The following TMPRSS6 variants were observed in gnomAD, a reference collection of about 807,000 sequenced individuals.
The protein encoded by TMPRSS6 is transmembrane serine protease 6.
A neutral mutation model predicts 101.5 loss-of-function variants in TMPRSS6; 67 were observed. The ratio of observed to expected loss-of-function variants is 0.66; its 90% CI spans 0.54 to 0.81. The LOEUF (loss-of-function observed/expected upper bound fraction) is 0.81, where lower values mean the gene tolerates loss of function less well. TMPRSS6 is among the 30% of genes least tolerant of loss of function. The pLI is 0.00. For synonymous variants in TMPRSS6, 453 were observed against 464.9 expected (o/e 0.97, Z 0.33); for missense variants, 1,034 against 1,088.7 (o/e 0.95, Z 0.71).
At chr22:37,092,883 G>A (rs1194247675) in intron 6 of TMPRSS6, among the ~76,000 whole-genome samples, 2 of 152,256 alleles carry the variant, frequency 1.3e-5, no homozygotes, top group Non-Finnish European at 2.9e-5. Context: ...CTGGGACTCT[G>A]TGTGAGGCTC....
intron 14 of TMPRSS6, 69 bp downstream of exon 14, chr22:37,070,847 T>A (rs549119936): frequency 6.6e-7 from 1 of 1,506,916 alleles, no homozygotes; most frequent in East Asian, 2.3e-5. Context: ...GAGATTTCCC[T>A]CCAGCTTCCT....
intron 8 of TMPRSS6, among the ~76,000 whole-genome samples, chr22:37,085,096 T>G (rs1454666914): frequency 6.6e-6 from 1 of 152,104 alleles, no homozygotes; most frequent in African/African-American, 2.4e-5. Flanking sequence ...GCTCGATCCG[T>G]GTTAGTTATT....
chr22:37,085,250 C>T (rs779819479), intron 8 of TMPRSS6, among the ~76,000 whole-genome samples: 18 of 152,180 alleles, frequency 1.2e-4, no homozygotes, highest in South Asian at 4.2e-4. Flanking sequence ...GAGGCTACAC[C>T]GTGAGAGGCT....
intron 16 of TMPRSS6, 114 bp downstream of exon 16, chr22:37,068,959 G>T: frequency 6.8e-7 from 1 of 1,469,272 alleles, no homozygotes; most frequent in Non-Finnish European, 9.0e-7. Flanking sequence ...AGCACTAGAG[G>T]GCCTATGGGG....
chr22:37,075,957 G>A (rs1927604134), intron 10 of TMPRSS6, among the ~76,000 whole-genome samples: 1 of 145,940 alleles, frequency 6.9e-6, no homozygotes, highest in Non-Finnish European at 1.5e-5. Context: ...AAAGAAGGAA[G>A]GAAGGGAGGG....
At chr22:37,085,362 T>C (rs1022031453) in intron 8 of TMPRSS6, among the ~76,000 whole-genome samples, 12 of 152,134 alleles carry the variant, frequency 7.9e-5, no homozygotes, top group Admixed American at 4.6e-4. Context: ...GCCTCGAGCC[T>C]GTGTCAGACT....
chr22:37,070,643 A>T lies in TMPRSS6; in HGVS notation c.1682T>A (p.Leu561His). The T allele has an allele frequency of 1.2e-6, 2 of 1,612,844 alleles. No homozygotes were observed. The highest frequency in any genetic ancestry group is 8.5e-7 in the Non-Finnish European group (1 of 1,179,900). ...GSDEEHCDCGLQGPSSRIVGG... is the reference protein window; with the variant it reads ...GSDEEHCDCGHQGPSSRIVGG... ...AACAATGCGGCTGGAGGGGCCCTGG[A>T]GGCCACAGTCTGGGGATGGGGGCAG... Residue 561 changes from leucine to histidine, a missense_variant, in exon 15 of 18, where the codon CTC becomes CAC. Leu to His is a moderately conservative substitution (Grantham distance 99). Coordinates refer to ENST00000676104, the MANE Select transcript of TMPRSS6 (RefSeq NM_001374504.1).
Position 37,070,526 on chromosome 22 carries a change from T to A in TMPRSS6, c.1799A>T (p.Asp600Val), listed in dbSNP as rs1234498097. ...GTGGGCAGCTGTTATCACCCAGCGG[T>A]CAGCGATGAGGGCCCCCCCACAGAT... The part of the protein sequence containing the change: ...RHICGGALIA[D>V]RWVITAAHCF... The change falls in exon 15 of 18, where the codon GAC becomes GTC. Residue 600 changes from aspartate (D) to valine (V), a missense_variant. Asp to Val is a radical substitution (Grantham distance 152, BLOSUM62 -3). Coordinates refer to ENST00000676104, the MANE Select transcript of TMPRSS6 (RefSeq NM_001374504.1). 32 of 1,613,200 alleles carry A rather than the reference T, an allele frequency of 2.0e-5. No homozygotes were observed. The highest frequency in any genetic ancestry group is 2.5e-5 in the Non-Finnish European group (30 of 1,180,004).
rs189303843 is a variant in TMPRSS6 at position 37,090,958 on chromosome 22, C to A, written c.632-1176G>T. Among the ~76,000 whole-genome samples the A allele has an allele frequency of 3.8e-4, 58 of 152,294 alleles. No individual in the cohort carries two copies. In the East Asian group the frequency reaches 0.01, roughly 27 times the overall value. Reference sequence around the variant, plus strand: ...TCAGACCTAGCCCATCTCACGGCTGCCTCACTTCACAACTGTTTCACCATC... The same window carrying A: ...TCAGACCTAGCCCATCTCACGGCTGACTCACTTCACAACTGTTTCACCATC... On this transcript the variant is annotated intron_variant, in intron 6 of 17. Coordinates refer to ENST00000676104, the MANE Select transcript of TMPRSS6 (RefSeq NM_001374504.1).
intron 7 of TMPRSS6, among the ~76,000 whole-genome samples, chr22:37,087,973 G>A (rs1034369314): frequency 3.4e-4 from 51 of 152,084 alleles, no homozygotes; most frequent in African/African-American, 1.1e-3. Flanking sequence ...GGTGTCTGGG[G>A]TACAAGCTTG....
At chr22:37,108,925 G>A (rs1930887331) in intron 1 of TMPRSS6, among the ~76,000 whole-genome samples, 1 of 152,138 alleles carries the variant, frequency 6.6e-6, no homozygotes, top group African/African-American at 2.4e-5. Flanking sequence ...CACACTCACA[G>A]ACCCACAGAT....
intron 10 of TMPRSS6, chr22:37,082,694 C>T: frequency 6.1e-6 from 2 of 326,368 alleles, no homozygotes; most frequent in Admixed American, 8.7e-5. Context: ...AGCATGTCAC[C>T]CCAGCAGCAC....
chr22:37,080,607 G>A (rs1030223394), intron 10 of TMPRSS6, among the ~76,000 whole-genome samples: 4 of 152,266 alleles, frequency 2.6e-5, no homozygotes, highest in Non-Finnish European at 4.4e-5. Flanking sequence ...TAACTAGAGG[G>A]CACAGTGGCC....
chr22:37,092,359 C>G (rs1332564768), intron 6 of TMPRSS6, among the ~76,000 whole-genome samples: 1 of 152,132 alleles, frequency 6.6e-6, no homozygotes, highest in South Asian at 2.1e-4. Flanking sequence ...TTGAGACAGC[C>G]TGTCACTCAG....
chr22:37,107,831 C>T (rs964008275), intron 1 of TMPRSS6, among the ~76,000 whole-genome samples: 1 of 152,168 alleles, frequency 6.6e-6, no homozygotes, highest in Non-Finnish European at 1.5e-5. Flanking sequence ...TGGGCACTCC[C>T]GTCTCTCCTG....
intron 3 of TMPRSS6, among the ~76,000 whole-genome samples, chr22:37,097,554 C>T (rs1349233757): frequency 1.3e-5 from 2 of 152,268 alleles, no homozygotes; most frequent in African/African-American, 4.8e-5. Context: ...CTCCCCGGCA[C>T]TTCTGGCCTG....
At chr22:37,097,512 C>T (rs1175069568) in intron 3 of TMPRSS6, among the ~76,000 whole-genome samples, 2 of 152,264 alleles carry the variant, frequency 1.3e-5, no homozygotes, top group Non-Finnish European at 2.9e-5. Context: ...CCCACTCCAG[C>T]GCTCATGGTT....
chr22:37,071,174 T>C (rs1002680100), intron 13 of TMPRSS6, 142 bp from the exon 14 acceptor site: 1 of 757,518 alleles, frequency 1.3e-6, no homozygotes, highest in African/African-American at 1.7e-5. Flanking sequence ...TCCTTTAGGG[T>C]CTCCTAAAAG....
intron 2 of TMPRSS6, among the ~76,000 whole-genome samples, chr22:37,102,728 G>T (rs1930430709): frequency 6.6e-6 from 1 of 152,066 alleles, no homozygotes; most frequent in Admixed American, 6.5e-5. Flanking sequence ...ACCCAGAGGG[G>T]ATAGAGCTGT....
Sources: allele counts gnomAD v4.1 joint callset (sites outside exome capture counted in the v4.1 genomes callset), GRCh38; gene constraint gnomAD v4.1.1; transcripts MANE v1.5; gene names NCBI Gene and HGNC (gene_info 2026-07-23, HGNC 2026-07-21).